The following COL23A1 variants were observed in gnomAD, a reference collection of about 807,000 sequenced individuals.
COL23A1 encodes the protein collagen alpha-1(XXIII) chain.
A neutral mutation model predicts 99.3 loss-of-function variants in COL23A1; 97 were observed. That is an observed-to-expected ratio of 0.98 (90% confidence interval 0.83 to 1.16). The LOEUF (loss-of-function observed/expected upper bound fraction) is 1.16. Ranked by LOEUF, COL23A1 falls within the 50% of genes most tolerant of loss-of-function variation. COL23A1 has a pLI of 0.00. For missense variants in COL23A1, 762 were observed against 757.4 expected, an observed-to-expected ratio of 1.01 and a Z score of -0.07; for synonymous variants, 320 against 308.2, an observed-to-expected ratio of 1.04 and a Z score of -0.40.
intron 2 of COL23A1, among the ~76,000 whole-genome samples, chr5:178,362,236 A>G (rs975714759): frequency 6.6e-6 from 1 of 152,170 alleles, no homozygotes; most frequent in Non-Finnish European, 1.5e-5. Context: ...ATTTCCACCC[A>G]GAGCCCAAGT....
At chr5:178,564,533 C>G (rs961987817) in intron 1 of COL23A1, among the ~76,000 whole-genome samples, 7 of 152,014 alleles carry the variant, frequency 4.6e-5, no homozygotes, top group African/African-American at 9.7e-5. Context: ...ACAATATGGT[C>G]CTGGTTTTAC....
chr5:178,451,674 AAATTAACACGG>A (rs1378063115), intron 2 of COL23A1, among the ~76,000 whole-genome samples: 3 of 151,672 alleles, frequency 2.0e-5, no homozygotes, highest in Non-Finnish European at 4.4e-5. Flanking sequence ...AAAAAAAAAA[AAATTAACACGG>A]AAATCAATAG....
At chr5:178,490,000 G>A (rs574422027) in intron 2 of COL23A1, among the ~76,000 whole-genome samples, 41 of 152,110 alleles carry the variant, frequency 2.7e-4, no homozygotes, top group Middle Eastern at 3.4e-3. Context: ...TTGGGAGGCC[G>A]AGGCGGGCGG....
In COL23A1 at chr5:178,392,404, A is replaced by T. The variant is rs142162139; in HGVS notation, c.362-85485T>A. Among the ~76,000 whole-genome samples the T allele has an allele frequency of 3.2e-4, 49 of 152,318 alleles. No individual in the cohort carries two copies. The East Asian group carries it at 9.3e-3, about 29-fold the overall frequency. ...ATTCCCATCTTTCTTCTAAAATGTTAAAGAAACTGCATCTACAAGACACAT... is the reference window on the plus strand; with the variant it reads ...ATTCCCATCTTTCTTCTAAAATGTTTAAGAAACTGCATCTACAAGACACAT... On this transcript the variant is annotated intron_variant, in intron 2 of 28. Coordinates refer to ENST00000390654, the MANE Select transcript of COL23A1 (RefSeq NM_173465.4).
chr5:178,284,538 C>T (rs931668851), intron 5 of COL23A1, among the ~76,000 whole-genome samples: 3 of 152,054 alleles, frequency 2.0e-5, no homozygotes, highest in Non-Finnish European at 4.4e-5. Context: ...ATGTGCAAAC[C>T]CTTTGGTGCA....
rs528075012 is a variant in COL23A1 at position 178,417,458 on chromosome 5, A to G, written c.362-110539T>C. Among the ~76,000 whole-genome samples the G allele has an allele frequency of 7.9e-5, 12 of 152,154 alleles. No individual in the cohort carries two copies. In the South Asian group the frequency reaches 2.5e-3, roughly 32 times the overall value. On this transcript the variant is annotated intron_variant, in intron 2 of 28. Transcript: ENST00000390654. The stretch of plus-strand genomic sequence containing the variant: ...TTCTAGTAGCAGAGCTGTGCTTCCG[A>G]TCACTGCCCAAAGGGGGAAATCACG...
intron 4 of COL23A1, 128 bp from the exon 5 acceptor site, chr5:178,288,478 G>A (rs934256700): frequency 3.1e-5 from 25 of 818,524 alleles, no homozygotes; most frequent in Middle Eastern, 2.3e-4. Context: ...CCTCTGCAGC[G>A]GGAGGACTCA....
intron 2 of COL23A1, among the ~76,000 whole-genome samples, chr5:178,422,197 G>A (rs185655480): frequency 1.2e-4 from 18 of 152,270 alleles, no homozygotes; most frequent in Admixed American, 4.6e-4. Context: ...CTGGGGCTCC[G>A]AGAAGGACAG....
At chr5:178,283,166 G>A (rs766708731) in intron 5 of COL23A1, among the ~76,000 whole-genome samples, 6 of 152,082 alleles carry the variant, frequency 3.9e-5, no homozygotes, top group East Asian at 1.9e-4. Context: ...GATTACAGGC[G>A]TGAGCCACCG....
At chr5:178,586,344 CAG>C (rs910879640) in intron 1 of COL23A1, among the ~76,000 whole-genome samples, 3 of 152,184 alleles carry the variant, frequency 2.0e-5, no homozygotes, top group African/African-American at 7.2e-5. Context: ...GGTTGGATGA[CAG>C]AGCTGGTAAA....
intron 2 of COL23A1, among the ~76,000 whole-genome samples, chr5:178,351,624 C>A (rs991612118): frequency 1.3e-5 from 2 of 152,082 alleles, no homozygotes; most frequent in Non-Finnish European, 2.9e-5. Context: ...CAGCGCAGGC[C>A]GGGGCAAGGT....
rs996502638 is a variant in COL23A1, at chr5:178,310,393, G to A, written c.362-3474C>T. On this transcript the variant is annotated intron_variant, in intron 2 of 28. Coordinates refer to ENST00000390654, the MANE Select transcript of COL23A1 (RefSeq NM_173465.4). The surrounding 1 kb of genome is among the most constrained non-coding windows in gnomAD (Gnocchi z 4.3). Reference sequence around the variant, plus strand: ...GCCAAGCCGGCTGCTCACCCAGTGAGCATGAACTTGGGACCCTTTTCCTCC... The same window carrying A: ...GCCAAGCCGGCTGCTCACCCAGTGAACATGAACTTGGGACCCTTTTCCTCC... Among the ~76,000 whole-genome samples, 169 of 152,348 alleles carry A rather than the reference G, an allele frequency of 1.1e-3. 2 individuals carry two copies. Among genetic ancestry groups the A allele is most frequent in the African/African-American group, 4.0e-3 (165 of 41,594 alleles).
At chr5:178,452,643 C>T (rs1426809192) in intron 2 of COL23A1, among the ~76,000 whole-genome samples, 2 of 152,134 alleles carry the variant, frequency 1.3e-5, no homozygotes, top group Middle Eastern at 3.2e-3. Context: ...GCTTTAAAAA[C>T]CAGCAACAGA....
At chr5:178,408,973 A>AT (rs1189863769) in intron 2 of COL23A1, among the ~76,000 whole-genome samples, 88 of 61,904 alleles carry the variant, frequency 1.4e-3, no homozygotes, top group African/African-American at 2.6e-3. Flanking sequence ...AAAAAAAAAA[A>AT]ATACACACAC....
At chr5:178,408,973 A>AAACAC (rs1554161384) in intron 2 of COL23A1, among the ~76,000 whole-genome samples, 2 of 61,918 alleles carry the variant, frequency 3.2e-5, no homozygotes, top group Non-Finnish European at 5.9e-5. Flanking sequence ...AAAAAAAAAA[A>AAACAC]ATACACACAC....
intron 2 of COL23A1, among the ~76,000 whole-genome samples, chr5:178,516,333 C>T (rs902375705): frequency 1.3e-5 from 2 of 152,236 alleles, no homozygotes; most frequent in African/African-American, 4.8e-5. Flanking sequence ...TGAGGCCTGG[C>T]CTCCTAACAT....
In COL23A1 at chr5:178,590,275, G is replaced by A; in HGVS notation, c.-78C>T. On this transcript the variant is annotated 5_prime_UTR_variant, in exon 1 of 29. Coordinates refer to ENST00000390654, the MANE Select transcript of COL23A1 (RefSeq NM_173465.4). This position sits in a 1 kb window ranked among gnomAD's most constrained non-coding sequence, Gnocchi z 5.7. ...GGCTGGGTGCGAGAGGAGCAGGCGG[G>A]ACAGCCCGAGGCACGAGGTCCGCCG... 1 of 1,149,180 alleles carries A rather than the reference G, an allele frequency of 8.7e-7. No individual in the cohort carries two copies. The highest frequency in any genetic ancestry group is 4.0e-5 in the East Asian group (1 of 25,306). The allele number at this position is 1,149,180 out of a possible 1,614,324, so 71.2% of individuals were successfully genotyped here. A position where few individuals can be genotyped will look rare whatever the true frequency, so the allele number is the denominator to read the frequency against.
At chr5:178,445,665 A>T (rs1299523372) in intron 2 of COL23A1, among the ~76,000 whole-genome samples, 2 of 152,194 alleles carry the variant, frequency 1.3e-5, no homozygotes, top group Admixed American at 1.3e-4. Context: ...CATCGAAAAG[A>T]TGAAGTACAG....
chr5:178,326,838 G>A (rs572775251), intron 2 of COL23A1, among the ~76,000 whole-genome samples: 2 of 152,350 alleles, frequency 1.3e-5, no homozygotes, highest in South Asian at 4.1e-4. Flanking sequence ...TCCTGCCTCA[G>A]CCTCCTGGGT....
Sources: gnomAD v4.1 joint callset for allele counts (sites outside exome capture counted in the v4.1 genomes callset) on GRCh38, gnomAD v4.1.1 for gene constraint, Gnocchi (gnomAD v3.1) non-coding constraint, MANE v1.5 for transcripts, NCBI Gene and HGNC (gene_info 2026-07-23, HGNC 2026-07-21) for gene names.